The following VLDLR variants were observed in gnomAD, a reference collection of about 807,000 sequenced individuals.
The protein encoded by VLDLR is very low-density lipoprotein receptor.
Under a neutral mutation model 112.7 loss-of-function variants are expected in VLDLR, and 81 were observed. That is an observed-to-expected ratio of 0.72 (90% CI 0.60 to 0.86). VLDLR has a LOEUF of 0.86. VLDLR is among the 40% of genes least tolerant of loss of function. VLDLR has a pLI of 0.00. For missense variants in VLDLR, 1,237 were observed against 1,099.4 expected, an observed-to-expected ratio of 1.13 and a Z score of -1.77; for synonymous variants, 436 against 384.8, an observed-to-expected ratio of 1.13 and a Z score of -1.56.
chr9:2,634,472 A>C lies in VLDLR; in HGVS notation c.83-981A>C, dbSNP rs573545316. ...GCCACATCTGTGCCTTTTATCGTGA[A>C]GCAATCACATCCGCCAGAAGGACGG... is the stretch of plus-strand genomic sequence containing the variant. On this transcript the variant is annotated intron_variant, in intron 1 of 18. Coordinates refer to ENST00000382100, the MANE Select transcript of VLDLR (RefSeq NM_003383.5). 3.3e-5 allele frequency among the ~76,000 whole-genome samples: 5 copies of C among 152,348 alleles called. No individual in the cohort carries two copies. The South Asian group carries it at 1.0e-3, about 32-fold the overall frequency.
Position 2,643,202 on chromosome 9 carries a change from G to A in VLDLR, c.491G>A (p.Gly164Asp), listed in dbSNP as rs1405565151. The A allele has an allele frequency of 6.2e-7, 1 of 1,613,480 alleles. No individual in the cohort carries two copies. Among genetic ancestry groups the A allele is most frequent in the Non-Finnish European group, 8.5e-7 (1 of 1,179,996 alleles). Residue 164 changes from glycine to aspartate, a missense_variant, in exon 5 of 19, where the codon GGC becomes GAC. Physicochemically the swap from Gly to Asp is moderately conservative, Grantham distance 94. Transcript: ENST00000382100. ...CCCGACGAGTTCACCTGCTCCAGTGGCCGCTGCATCTCCAGGAACTTTGTA... is the reference window on the plus strand; with the variant it reads ...CCCGACGAGTTCACCTGCTCCAGTGACCGCTGCATCTCCAGGAACTTTGTA... ...CSPDEFTCSSGRCISRNFVCN... is the reference protein window; with the variant it reads ...CSPDEFTCSSDRCISRNFVCN...
intron 1 of VLDLR, 81 bp downstream of exon 1, chr9:2,622,352 G>A: frequency 7.9e-7 from 1 of 1,258,290 alleles, no homozygotes; most frequent in Admixed American, 3.7e-5. Context: ...GTCTCCGTTT[G>A]CCCACCCGCC....
At chr9:2,648,102 G>T (rs374672025) in intron 12 of VLDLR, 106 bp from the exon 13 acceptor site, 1 of 1,505,040 alleles carries the variant, frequency 6.6e-7, no homozygotes. Context: ...AAGAAACCCT[G>T]CTGGGGAAAG....
intron 18 of VLDLR, among the ~76,000 whole-genome samples, chr9:2,653,506 C>A (rs111517142): frequency 6.6e-6 from 1 of 152,224 alleles, no homozygotes; most frequent in Non-Finnish European, 1.5e-5. Flanking sequence ...ATTGATCACT[C>A]CCCTCTCAAA....
At chr9:2,633,616 A>G (rs1290351652) in intron 1 of VLDLR, among the ~76,000 whole-genome samples, 2 of 149,594 alleles carry the variant, frequency 1.3e-5, no homozygotes, top group African/African-American at 2.5e-5. Context: ...CTAAAACCTT[A>G]AAAAAAAAAT....
At chr9:2,631,248 C>T (rs1586637930) in intron 1 of VLDLR, among the ~76,000 whole-genome samples, 1 of 152,260 alleles carries the variant, frequency 6.6e-6, no homozygotes, top group Non-Finnish European at 1.5e-5. Flanking sequence ...CCAAGGAAAA[C>T]AATATGCAGA....
At chr9:2,627,168 G>C (rs185629989) in intron 1 of VLDLR, among the ~76,000 whole-genome samples, 24 of 152,332 alleles carry the variant, frequency 1.6e-4, no homozygotes, top group Admixed American at 9.8e-4. Context: ...AGCAGATCCA[G>C]TGTTTAAGAC....
Position 2,650,422 on chromosome 9 carries a change from C to T in VLDLR, c.2157C>T (p.Cys719=), listed in dbSNP as rs138593492. 6.2e-7 allele frequency: 1 copy of T among 1,613,896 alleles called. No individual in the cohort carries two copies. The highest frequency in any genetic ancestry group is 8.5e-7 in the Non-Finnish European group (1 of 1,180,010). ...DMENGGCEYL[C]LPAPQINDHS... ...AGAATGGAGGATGTGAATACCTATG[C>T]CTGCCAGCACCACAGATTAATGATC... The change falls in exon 15 of 19, where the codon TGC becomes TGT. Residue 719 remains cysteine (C), a synonymous_variant. Coordinates refer to ENST00000382100, the MANE Select transcript of VLDLR (RefSeq NM_003383.5).
In VLDLR at chr9:2,655,237, C is replaced by T. The variant is rs192498586; in HGVS notation, c.*1369C>T. ...GGCAGATTCTTACTATGGACAATTT[C>T]TGGAACTTACAGTATGAAGAGCAGA... On this transcript the variant is annotated 3_prime_UTR_variant, in exon 19 of 19. Transcript: ENST00000382100. The T allele has an allele frequency of 6.6e-6, 1 of 152,150 alleles. No individual in the cohort carries two copies. The highest frequency in any genetic ancestry group is 1.5e-5 in the Non-Finnish European group (1 of 68,022). The allele number at this position is 152,150 out of a possible 1,614,324, so 9.4% of individuals were successfully genotyped here.
rs529228872 is a variant in VLDLR at position 2,639,951 on chromosome 9, G to T, written c.295G>T (p.Asp99Tyr). ...GTGTGATGGAGATCCTGACTGCGAA[G>T]ATGGTTCAGATGAAAGCCCAGAACA... Reference protein sequence around the residue: ...WKCDGDPDCEDGSDESPEQCH... With the variant: ...WKCDGDPDCEYGSDESPEQCH... The change falls in exon 3 of 19, where the codon GAT (aspartate) becomes TAT (tyrosine). Residue 99 changes from aspartate to tyrosine, a missense_variant. Transcript: ENST00000382100. 9.9e-6 allele frequency: 16 copies of T among 1,614,214 alleles called. No homozygotes were observed. The highest frequency in any genetic ancestry group is 1.4e-5 in the Non-Finnish European group (16 of 1,180,036).
At position 2,641,107 on chromosome 9, in the gene VLDLR, T is replaced by A. The variant is rs35466361; in HGVS notation, c.326-270T>A. Among the ~76,000 whole-genome samples the A allele has an allele frequency of 0.023, 3,527 of 152,174 alleles. 139 individuals are homozygous for A. The highest frequency in any genetic ancestry group is 0.08 in the African/African-American group (3,309 of 41,508). On this transcript the variant is annotated intron_variant, in intron 3 of 18. Transcript: ENST00000382100. ...AGCCAATAAACTTCACCACGCCAAG[T>A]AAAACAAAAGCCAGAACTGAGCACG...
At chr9:2,634,876 A>G (rs1278207961) in intron 1 of VLDLR, among the ~76,000 whole-genome samples, 5 of 152,234 alleles carry the variant, frequency 3.3e-5, no homozygotes, top group Non-Finnish European at 7.3e-5. Flanking sequence ...TGCTTGTAAT[A>G]GAAACATCAT....
intron 1 of VLDLR, among the ~76,000 whole-genome samples, chr9:2,623,826 T>C (rs1816952543): frequency 6.6e-6 from 1 of 152,198 alleles, no homozygotes; most frequent in African/African-American, 2.4e-5. Flanking sequence ...ACATGGAATC[T>C]GATGTGTAAC....
Position 2,643,231 on chromosome 9 carries a change from AATGGCCAGGATGACTGCAGCG to A in VLDLR, c.526_546del (p.Gln176_Gly182del). 6.2e-7 allele frequency: 1 copy of A among 1,614,120 alleles called. No individual in the cohort carries two copies. Among genetic ancestry groups the A allele is most frequent in the Non-Finnish European group, 8.5e-7 (1 of 1,180,040 alleles). On this transcript the variant is annotated inframe_deletion, in exon 5 of 19. Transcript: ENST00000382100. ...CTGCATCTCCAGGAACTTTGTATGC[AATGGCCAGGATGACTGCAGCG>A]ATGGCAGTGATGAGCTGGACTGTGC...
Position 2,655,508 on chromosome 9 carries a change from T to G in VLDLR, c.*1640T>G, listed in dbSNP as rs1818561679. Reference sequence around the variant, plus strand: ...ACCAAGAGGATGAAGAGAAGATGTTTTGCGTTGCTACGTGAATCAGTGGAT... The same window carrying G: ...ACCAAGAGGATGAAGAGAAGATGTTGTGCGTTGCTACGTGAATCAGTGGAT... On this transcript the variant is annotated 3_prime_UTR_variant, in exon 19 of 19. Coordinates refer to ENST00000382100, the MANE Select transcript of VLDLR (RefSeq NM_003383.5). 6.6e-6 allele frequency: 1 copy of G among 152,200 alleles called. No individual in the cohort carries two copies. Among genetic ancestry groups the G allele is most frequent in the African/African-American group, 2.4e-5 (1 of 41,442 alleles). 9.4% of individuals were successfully genotyped at this position (152,200 alleles called of 1,614,324 possible).
intron 15 of VLDLR, among the ~76,000 whole-genome samples, chr9:2,650,765 C>A (rs1818292827): frequency 6.6e-6 from 1 of 152,178 alleles, no homozygotes; most frequent in African/African-American, 2.4e-5. Context: ...AGTCCCTTAA[C>A]AGCACTGAGC....
In VLDLR at chr9:2,658,206, T is replaced by TC. The variant is rs1196112345; in HGVS notation, c.*4338_*4339insC. 2.0e-5 allele frequency: 3 copies of TC among 152,218 alleles called. No homozygotes were observed. The highest frequency in any genetic ancestry group is 4.4e-5 in the Non-Finnish European group (3 of 68,032). The allele number at this position is 152,218 out of a possible 1,614,324, so 9.4% of individuals were successfully genotyped here. A position where few individuals can be genotyped will look rare whatever the true frequency, so the allele number is the denominator to read the frequency against. On this transcript the variant is annotated 3_prime_UTR_variant, in exon 19 of 19. Coordinates refer to ENST00000382100, the MANE Select transcript of VLDLR (RefSeq NM_003383.5). ...AGGAAAGCTGAATGCATTTTACCAG[T>TC]GAGGCTCTAGATATGAAACTTAGGG...
chr9:2,652,377 A>G (rs1335309608), intron 17 of VLDLR, among the ~76,000 whole-genome samples: 2 of 152,230 alleles, frequency 1.3e-5, no homozygotes, highest in African/African-American at 2.4e-5. Flanking sequence ...TTTCAAACCT[A>G]TGGAAAAGGA....
intron 1 of VLDLR, among the ~76,000 whole-genome samples, chr9:2,624,733 C>G (rs1250344782): frequency 6.6e-6 from 1 of 152,196 alleles, no homozygotes; most frequent in South Asian, 2.1e-4. Flanking sequence ...GGAAAGTAAA[C>G]TTGGCTCATC....
Sources: gnomAD v4.1 joint callset for allele counts (sites outside exome capture counted in the v4.1 genomes callset) on GRCh38, gnomAD v4.1.1 for gene constraint, MANE v1.5 for transcripts, NCBI Gene and HGNC (gene_info 2026-07-23, HGNC 2026-07-21) for gene names.